The following KNL1 variants were observed in gnomAD, a reference collection of about 807,000 sequenced individuals.
KNL1 encodes kinetochore scaffold 1.
Under a neutral mutation model 201.3 loss-of-function variants are expected in KNL1, and 66 were observed. The observed-to-expected ratio is 0.33, with a 90% CI of 0.27 to 0.40. The LOEUF is 0.40. Ranked by LOEUF, KNL1 falls within the 10% of genes least tolerant of loss-of-function variation. The pLI, the probability that KNL1 is intolerant of heterozygous loss-of-function variation, is 1.00. For missense variants in KNL1, 2,815 were observed against 2,690.5 expected, an observed-to-expected ratio of 1.05 and a Z score of -1.02; for synonymous variants, 895 against 899.2, an observed-to-expected ratio of 1.00 and a Z score of 0.08.
chr15:40,649,794 C>T (rs556979813), intron 17 of KNL1, among the ~76,000 whole-genome samples: 1 of 152,332 alleles, frequency 6.6e-6, no homozygotes, highest in East Asian at 1.9e-4. Flanking sequence ...TTTGCTACTA[C>T]ATACTACGTT....
Position 40,624,868 on chromosome 15 carries a change from C to T in KNL1, c.4604C>T (p.Thr1535Ile), listed in dbSNP as rs1892687010. Residue 1535 changes from threonine (T) to isoleucine (I), a missense_variant, in exon 10 of 26, where the codon ACT (threonine) becomes ATT (isoleucine). Physicochemically the swap from Thr to Ile is moderately conservative, Grantham distance 89. Transcript: ENST00000399668. ...NSDVTKQVIQ[T>I]HVNAGEAPDP... Reference sequence around the variant, plus strand: ...GACGTAACTAAGCAAGTCATTCAAACTCATGTCAATGCTGGAGAAGCACCA... The same window carrying T: ...GACGTAACTAAGCAAGTCATTCAAATTCATGTCAATGCTGGAGAAGCACCA... 1.2e-6 allele frequency: 2 copies of T among 1,612,598 alleles called. No homozygotes were observed. The highest frequency in any genetic ancestry group is 2.7e-5 in the African/African-American group (2 of 75,012).
rs1160852226 is a variant in KNL1, at chr15:40,663,758, A to G, written c.*1570A>G. On this transcript the variant is annotated 3_prime_UTR_variant, in exon 26 of 26. Transcript: ENST00000399668. ...AAACTTCATTCAAATCCTAATTGTG[A>G]TAATTTTTGTTTTATATTTAATTAT... 2 of 192,332 alleles carry G rather than the reference A, an allele frequency of 1.0e-5. No individual in the cohort carries two copies. Among genetic ancestry groups the G allele is most frequent in the Non-Finnish European group, 2.2e-5 (2 of 92,076 alleles). 11.9% of individuals were successfully genotyped at this position (192,332 alleles called of 1,614,324 possible).
rs531269323 is a variant in KNL1, at chr15:40,596,425, C to T, written c.-18+2033C>T. 5.0e-4 allele frequency among the ~76,000 whole-genome samples: 76 copies of T among 152,148 alleles called. 1 individual carries two copies. The highest frequency in any genetic ancestry group is 1.7e-3 in the African/African-American group (70 of 41,544). On this transcript the variant is annotated intron_variant, in intron 1 of 25. Coordinates refer to ENST00000399668, the MANE Select transcript of KNL1 (RefSeq NM_144508.5). ...CGCAGTAACTGGGATTATAGGCACC[C>T]GCCACCATGCGCAGCCAATTTTTAT...
At chr15:40,653,301 G>T (rs962219794) in intron 21 of KNL1, among the ~76,000 whole-genome samples, 7 of 152,098 alleles carry the variant, frequency 4.6e-5, no homozygotes, top group Admixed American at 1.3e-4. Context: ...TGATTCTCCT[G>T]CCTCAGCCTT....
intron 21 of KNL1, among the ~76,000 whole-genome samples, chr15:40,652,636 A>T (rs1893602778): frequency 6.6e-6 from 1 of 151,206 alleles, no homozygotes; most frequent in Non-Finnish European, 1.5e-5. Context: ...CTGGGCATGC[A>T]CCTGTAATCC....
At chr15:40,636,465 T>G (rs953695010) in intron 13 of KNL1, among the ~76,000 whole-genome samples, 1 of 152,130 alleles carries the variant, frequency 6.6e-6, no homozygotes, top group Admixed American at 6.6e-5. Context: ...TTATAGAAAA[T>G]TTCAAACATA....
chr15:40,620,526 A>C, intron 9 of KNL1, 114 bp from the exon 10 acceptor site: 1 of 617,680 alleles, frequency 1.6e-6, no homozygotes, highest in Non-Finnish European at 2.7e-6. Context: ...TGATTCAAGC[A>C]AACCAACGTG....
chr15:40,628,325 A>G (rs1892810768), intron 11 of KNL1, 117 bp downstream of exon 11: 1 of 1,028,140 alleles, frequency 9.7e-7, no homozygotes, highest in African/African-American at 1.6e-5. Flanking sequence ...GGTTATAAAA[A>G]GTTGATCAGT....
intron 13 of KNL1, among the ~76,000 whole-genome samples, chr15:40,630,356 ACAT>A (rs1301264731): frequency 6.6e-6 from 1 of 152,258 alleles, no homozygotes; most frequent in African/African-American, 2.4e-5. Flanking sequence ...TATAGAGACT[ACAT>A]CATCTAATCT....
At chr15:40,612,226 G>C (rs746745124) in intron 7 of KNL1, among the ~76,000 whole-genome samples, 32 of 152,146 alleles carry the variant, frequency 2.1e-4, no homozygotes, top group Admixed American at 6.5e-4. Flanking sequence ...TGAGGTAGGA[G>C]AATCACTTGA....
Position 40,621,753 on chromosome 15 carries a change from C to G in KNL1, c.1489C>G (p.Gln497Glu). Residue 497 changes from glutamine to glutamate, a missense_variant, in exon 10 of 26, where the codon CAA becomes GAA. Physicochemically the swap from Gln to Glu is conservative, Grantham distance 29. Around this residue, in one of 3 missense-constraint regions of KNL1, gnomAD observed 2,464 missense variants for 2,291.7 expected, o/e 1.08. Transcript: ENST00000399668. ...TKSHTVAIDN[Q>E]IFKQDQSNVQ... ...GAGTCATACAGTTGCAATAGATAAT[C>G]AAATTTTTAAACAAGATCAATCAAA... is the stretch of plus-strand genomic sequence containing the variant. 1.2e-6 allele frequency: 2 copies of G among 1,613,684 alleles called. No homozygotes were observed. Among genetic ancestry groups the G allele is most frequent in the Non-Finnish European group, 1.7e-6 (2 of 1,179,752 alleles).
chr15:40,661,822 C>T (rs1021692525), intron 25 of KNL1, among the ~76,000 whole-genome samples: 2 of 151,974 alleles, frequency 1.3e-5, no homozygotes, highest in Admixed American at 6.6e-5. Context: ...GTGGGTGGAT[C>T]ACAAGGCCAG....
At chr15:40,653,700 C>T (rs1226085087) in intron 21 of KNL1, among the ~76,000 whole-genome samples, 1 of 152,102 alleles carries the variant, frequency 6.6e-6, no homozygotes. Flanking sequence ...GCCTATGAAG[C>T]GTTGCCTGAA....
Position 40,620,942 on chromosome 15 carries a change from A to G in KNL1, c.678A>G (p.Lys226=), listed in dbSNP as rs1313733665. The G allele has an allele frequency of 6.2e-6, 10 of 1,606,462 alleles. No homozygotes were observed. The highest frequency in any genetic ancestry group is 8.5e-6 in the Non-Finnish European group (10 of 1,178,090). The change falls in exon 10 of 26, where the codon AAA becomes AAG. Residue 226 remains lysine, a synonymous_variant. Transcript: ENST00000399668. ...TCATAAAAAGATTGAAAACAGGAAA[A>G]TGTAGTGCTTTTCCTGATGTGCCTG... The part of the protein sequence containing the change: ...NDFIKRLKTG[K]CSAFPDVPDK...
intron 15 of KNL1, 22 bp downstream of exon 15, chr15:40,645,109 A>C (rs760993171): frequency 4.0e-6 from 6 of 1,491,206 alleles, no homozygotes. Context: ...TCATTTTCTG[A>C]ATGAGAATCA....
chr15:40,609,746 ATATTT>A (rs2141705096), intron 5 of KNL1, among the ~76,000 whole-genome samples: 1 of 152,310 alleles, frequency 6.6e-6, no homozygotes, highest in African/African-American at 2.4e-5. Flanking sequence ...AATTAAATGA[ATATTT>A]TAGGTGATTG....
chr15:40,650,626 A>G (rs1459389026), intron 19 of KNL1, 43 bp downstream of exon 19: 1 of 1,500,668 alleles, frequency 6.7e-7, no homozygotes, highest in South Asian at 1.3e-5. Context: ...ATGCTAAATC[A>G]CAGAAGGCTA....
intron 7 of KNL1, among the ~76,000 whole-genome samples, chr15:40,613,834 G>A (rs537393223): frequency 1.0e-3 from 152 of 151,836 alleles, no homozygotes; most frequent in Non-Finnish European, 1.5e-3. Context: ...GTCTCGCTCC[G>A]TCACCCAGGC....
At chr15:40,606,897 C>T (rs1891994473) in intron 4 of KNL1, among the ~76,000 whole-genome samples, 1 of 152,116 alleles carries the variant, frequency 6.6e-6, no homozygotes, top group Non-Finnish European at 1.5e-5. Context: ...GTAACTAGGC[C>T]TACAGGAACA....
Sources: allele counts gnomAD v4.1 joint callset (sites outside exome capture counted in the v4.1 genomes callset), GRCh38; gene constraint gnomAD v4.1.1; regional missense constraint gnomAD v4.1.1; transcripts MANE v1.5; gene names NCBI Gene and HGNC (gene_info 2026-07-23, HGNC 2026-07-21).